MRPL34: variants seen among roughly 807,000 people sequenced by gnomAD.
MRPL34 encodes the protein large ribosomal subunit protein bL34m.
MRPL34 carries 8 observed loss-of-function variants against 6.7 expected under a neutral mutation model. That is an observed-to-expected ratio of 1.20 (90% CI 0.70 to 2.16). The LOEUF (loss-of-function observed/expected upper bound fraction) is 2.16. MRPL34 is among the 30% of genes most tolerant of loss of function. The pLI is 0.00. For missense variants in MRPL34, 146 were observed against 125.5 expected (o/e 1.16, Z -0.78); for synonymous variants, 59 against 55.1 (o/e 1.07, Z -0.31).
At chr19:17,294,276 G>A (rs1316051346) in intron 1 of MRPL34, 1 of 1,593,924 alleles carries the variant, frequency 6.3e-7, no homozygotes, top group South Asian at 1.1e-5. Context: ...CGCCCCAGGT[G>A]CCCGCCTCTA....
chr19:17,296,202 C>A (rs1207960661), intron 1 of MRPL34: 1 of 151,690 alleles, frequency 6.6e-6, no homozygotes, highest in Admixed American at 6.6e-5. Flanking sequence ...GAAGTTTCAC[C>A]AGACTTTTTA....
At chr19:17,304,875 G>A (rs1345764089), upstream of MRPL34, among the ~76,000 whole-genome samples, 1 of 152,066 alleles carries the variant, frequency 6.6e-6, no homozygotes, top group Non-Finnish European at 1.5e-5. Context: ...TGGATCTCCT[G>A]GGTTCAGGGA....
intron 1 of MRPL34, 78 bp downstream of exon 1, chr19:17,306,035 G>A: frequency 1.1e-5 from 18 of 1,570,710 alleles, no homozygotes; most frequent in Non-Finnish European, 1.6e-5. Context: ...TTCACTGCCC[G>A]CGTGACCTGC....
At chr19:17,294,215 C>A in intron 1 of MRPL34, 1 of 1,525,700 alleles carries the variant, frequency 6.6e-7, no homozygotes, top group Non-Finnish European at 8.8e-7. Flanking sequence ...CCACGCCCCC[C>A]GCAGAGGCCA....
Position 17,306,268 on chromosome 19 carries a change from C to G in MRPL34, c.168C>G (p.Ser56Arg). Reference sequence around the variant, plus strand: ...CTCGCGGGAATGAGTATCAGCCGAGCAACATCAAACGCAAGAACAAGCACG... The same window carrying G: ...CTCGCGGGAATGAGTATCAGCCGAGGAACATCAAACGCAAGAACAAGCACG... ...GKARGNEYQP[S>R]NIKRKNKHGW... The change falls in exon 2 of 2, where the codon AGC (serine) becomes AGG (arginine). Residue 56 changes from serine (S) to arginine (R), a missense_variant. Ser to Arg is a moderately radical substitution (Grantham distance 110). Coordinates refer to ENST00000252602, the MANE Select transcript of MRPL34 (RefSeq NM_023937.4). 1.1e-5 allele frequency: 17 copies of G among 1,605,344 alleles called. No homozygotes were observed. Among genetic ancestry groups the G allele is most frequent in the Non-Finnish European group, 1.4e-5 (17 of 1,176,818 alleles).
At chr19:17,294,680 G>A (rs1473119208) in intron 1 of MRPL34, 1 of 1,613,782 alleles carries the variant, frequency 6.2e-7, no homozygotes, top group Admixed American at 1.7e-5. Context: ...CTCACTTGAG[G>A]AAGCTCCAGG....
upstream of MRPL34, among the ~76,000 whole-genome samples, chr19:17,298,663 A>C (rs1415907860): frequency 6.6e-6 from 1 of 151,986 alleles, no homozygotes; most frequent in Admixed American, 6.6e-5. Flanking sequence ...GATGCTACTA[A>C]ACATCCTATA....
chr19:17,306,424 C>G lies in MRPL34; in HGVS notation c.*45C>G. The G allele has an allele frequency of 6.7e-7, 1 of 1,493,402 alleles. No individual in the cohort carries two copies. The highest frequency in any genetic ancestry group is 1.3e-5 in the South Asian group (1 of 78,560). 92.5% of individuals were successfully genotyped at this position (1,493,402 alleles called of 1,614,324 possible). The stretch of plus-strand genomic sequence containing the variant: ...GGGACCCTCATGGAAGCATCGCCCT[C>G]GCCTCGGACCTTGCCTGGCGCTATT... On this transcript the variant is annotated 3_prime_UTR_variant, in exon 2 of 2. Coordinates refer to ENST00000252602, the MANE Select transcript of MRPL34 (RefSeq NM_023937.4).
At chr19:17,306,000 G>A (rs368058288) in intron 1 of MRPL34, 43 bp downstream of exon 1, 26 of 1,609,716 alleles carry the variant, frequency 1.6e-5, no homozygotes, top group Non-Finnish European at 2.0e-5. Flanking sequence ...GGGAATAAGG[G>A]CGGCTTCGGA....
At chr19:17,298,697 C>A (rs1038363255), upstream of MRPL34, among the ~76,000 whole-genome samples, 126 of 150,682 alleles carry the variant, frequency 8.4e-4, 1 homozygote, top group South Asian at 1.1e-3. Flanking sequence ...AAAAAATAAC[C>A]TGGCCAAACA....
At chr19:17,305,792 G>C (rs375703549), upstream of MRPL34, 3 of 1,272,274 alleles carry the variant, frequency 2.4e-6, no homozygotes, top group Non-Finnish European at 3.4e-6. Context: ...TTTTTTGCAC[G>C]TTAGGAGAAA....
upstream of MRPL34, chr19:17,302,074 G>A (rs34272905): frequency 0.34 from 53,126 of 154,716 alleles, 9,662 homozygotes; most frequent in South Asian, 0.42. Context: ...GATTATAGGT[G>A]TGAGCCACCG....
upstream of MRPL34, among the ~76,000 whole-genome samples, chr19:17,303,835 G>A (rs1405467692): frequency 1.3e-5 from 2 of 152,092 alleles, no homozygotes; most frequent in Non-Finnish European, 2.9e-5. Flanking sequence ...TCCAATCTCC[G>A]GTGGGGAAAC....
chr19:17,301,435 G>A, upstream of MRPL34: 1 of 1,612,134 alleles, frequency 6.2e-7, no homozygotes, highest in South Asian at 1.1e-5. Flanking sequence ...GGATGCGGAT[G>A]ATGGTGGAGG....
upstream of MRPL34, among the ~76,000 whole-genome samples, chr19:17,298,992 T>C (rs1317280753): frequency 6.6e-6 from 1 of 152,170 alleles, no homozygotes; most frequent in Non-Finnish European, 1.5e-5. Flanking sequence ...TCTGCCTGCT[T>C]TGGCTTCCTA....
intron 1 of MRPL34, chr19:17,296,411 A>T (rs1345170558): frequency 6.6e-6 from 1 of 152,200 alleles, no homozygotes; most frequent in Non-Finnish European, 1.5e-5. Flanking sequence ...CTCATCAGCA[A>T]GTGGTAGGAA....
chr19:17,294,181 A>G (rs2074082924), intron 1 of MRPL34: 3 of 1,372,606 alleles, frequency 2.2e-6, no homozygotes, highest in Middle Eastern at 2.6e-4. Flanking sequence ...CCCCTCGGGA[A>G]GAAAGCACGC....
intron 1 of MRPL34, chr19:17,294,297 G>T: frequency 6.2e-7 from 1 of 1,604,878 alleles, no homozygotes; most frequent in South Asian, 1.1e-5. Flanking sequence ...CCTCGGCCAT[G>T]CGCTGGTCTT....
Position 17,306,181 on chromosome 19 carries a change from G to A in MRPL34, c.81G>A (p.Arg27=). ...ALLGGRWLQP[R]AWLGFPDAWG... is the part of the protein sequence containing the mutation. ...ACCCACGCAGGTGGCTCCAGCCCCG[G>A]GCCTGGCTGGGGTTCCCAGACGCCT... is the stretch of plus-strand genomic sequence containing the variant. The change falls in exon 2 of 2, where the codon CGG becomes CGA. Residue 27 remains arginine (R), a synonymous_variant. Coordinates refer to ENST00000252602, the MANE Select transcript of MRPL34 (RefSeq NM_023937.4). 5 of 1,532,438 alleles carry A rather than the reference G, an allele frequency of 3.3e-6. No individual in the cohort carries two copies. Among genetic ancestry groups the A allele is most frequent in the Non-Finnish European group, 4.4e-6 (5 of 1,142,372 alleles). The allele number at this position is 1,532,438 out of a possible 1,614,324, so 94.9% of individuals were successfully genotyped here.
Sources: gnomAD v4.1 joint callset for allele counts (sites outside exome capture counted in the v4.1 genomes callset) on GRCh38, gnomAD v4.1.1 for gene constraint, MANE v1.5 for transcripts, NCBI Gene and HGNC (gene_info 2026-07-23, HGNC 2026-07-21) for gene names.